Variants in TMEM272 observed in about 807,000 individuals in gnomAD.
TMEM272 encodes long intergenic non-protein coding RNA 282.
Under a neutral mutation model 3.7 loss-of-function variants are expected in TMEM272, and 8 were observed. The ratio of observed to expected loss-of-function variants is 2.17; its 90% CI spans 1.27 to 3.91. TMEM272 has a LOEUF of 3.91. TMEM272 is among the 30% of genes most tolerant of loss of function. TMEM272 has a pLI of 0.00. For missense variants in TMEM272, 166 were observed against 91.5 expected, an observed-to-expected ratio of 1.81 and a Z score of -3.32; for synonymous variants, 63 against 39.8, an observed-to-expected ratio of 1.58 and a Z score of -2.20.
chr13:51,865,498 ACTAATG>A, the TMEM272 span: 1 of 1,614,220 alleles, frequency 6.2e-7, no homozygotes, highest in Admixed American at 1.7e-5. Flanking sequence ...GCCAGAAGAA[ACTAATG>A]CACAAGCTGC....
chr13:51,837,161 T>G (rs977769753), intron 2 of TMEM272, among the ~76,000 whole-genome samples: 1 of 152,234 alleles, frequency 6.6e-6, no homozygotes, highest in Non-Finnish European at 1.5e-5. Context: ...GACCTTGACC[T>G]GCAGATTTAC....
the TMEM272 span, among the ~76,000 whole-genome samples, chr13:51,862,981 G>A: frequency 1.3e-5 from 2 of 152,234 alleles, no homozygotes; most frequent in East Asian, 1.9e-4. Context: ...AGTGTGACAA[G>A]TAATAGTGGA....
the TMEM272 span, among the ~76,000 whole-genome samples, chr13:51,873,915 T>C: frequency 6.6e-6 from 1 of 152,206 alleles, no homozygotes; most frequent in African/African-American, 2.4e-5. Context: ...ACACCCTTCT[T>C]GTGTTTGGGG....
At chr13:51,920,575 C>T in the TMEM272 span, among the ~76,000 whole-genome samples, 1 of 152,192 alleles carries the variant, frequency 6.6e-6, no homozygotes, top group Non-Finnish European at 1.5e-5. Context: ...CTCCATCCTA[C>T]CCATGTGCAC....
chr13:51,830,704 G>C (rs1344698192), intron 2 of TMEM272, among the ~76,000 whole-genome samples: 2 of 152,108 alleles, frequency 1.3e-5, no homozygotes, highest in Admixed American at 1.3e-4. Flanking sequence ...ATGAAGAATC[G>C]AGAAAACAAC....
chr13:51,857,065 T>G, the TMEM272 span, among the ~76,000 whole-genome samples: 1 of 152,206 alleles, frequency 6.6e-6, no homozygotes, highest in Non-Finnish European at 1.5e-5. Flanking sequence ...AGACAAATGT[T>G]GATTTTGTTA....
intron 2 of TMEM272, among the ~76,000 whole-genome samples, chr13:51,832,905 T>A (rs1238479669): frequency 6.6e-6 from 1 of 152,142 alleles, no homozygotes; most frequent in Non-Finnish European, 1.5e-5. Context: ...CACCACCTCT[T>A]AAGGGAGATG....
chr13:51,846,211 A>G (rs1956303894), upstream of TMEM272, among the ~76,000 whole-genome samples: 1 of 152,232 alleles, frequency 6.6e-6, no homozygotes, highest in Non-Finnish European at 1.5e-5. Context: ...GCAGAGGAGC[A>G]AGGGGAGGAG....
chr13:51,838,668 G>T (rs777844613), intron 1 of TMEM272, 115 bp from the exon 2 acceptor site: 3 of 679,958 alleles, frequency 4.4e-6, no homozygotes, highest in Non-Finnish European at 8.1e-6. Flanking sequence ...CAGTCAGCCC[G>T]GGTGGCCTGG....
chr13:51,824,194 C>T (rs184099906), intron 3 of TMEM272, among the ~76,000 whole-genome samples: 585 of 152,288 alleles, frequency 3.8e-3, no homozygotes, highest in Non-Finnish European at 6.5e-3. Context: ...TAATAAAAGC[C>T]ATCTTTCCCC....
At chr13:51,833,107 T>C (rs1956186820) in intron 2 of TMEM272, among the ~76,000 whole-genome samples, 1 of 152,076 alleles carries the variant, frequency 6.6e-6, no homozygotes, top group South Asian at 2.1e-4. Context: ...TGTGGGGAGA[T>C]GGCTTTTCTG....
At chr13:51,918,787 G>A in the TMEM272 span, among the ~76,000 whole-genome samples, 1 of 149,532 alleles carries the variant, frequency 6.7e-6, no homozygotes, top group African/African-American at 2.5e-5. Flanking sequence ...ACCATGCCTG[G>A]CTAATTTTTG....
chr13:51,880,018 A>G, the TMEM272 span, among the ~76,000 whole-genome samples: 2 of 152,242 alleles, frequency 1.3e-5, no homozygotes, highest in African/African-American at 4.8e-5. Flanking sequence ...TGTAACAACC[A>G]GAATTCATTG....
At chr13:51,826,851 G>A (rs572872378) in intron 2 of TMEM272, among the ~76,000 whole-genome samples, 18 of 152,260 alleles carry the variant, frequency 1.2e-4, no homozygotes, top group African/African-American at 3.4e-4. Flanking sequence ...TCACTTTGCC[G>A]ATGCCAAGGC....
At chr13:51,823,994 C>T (rs1040441934) in intron 3 of TMEM272, among the ~76,000 whole-genome samples, 1 of 152,234 alleles carries the variant, frequency 6.6e-6, no homozygotes, top group Non-Finnish European at 1.5e-5. Context: ...ACAGCCTTTT[C>T]ACACAAAGAC....
chr13:51,820,603 G>A (rs1189673121), intron 4 of TMEM272, among the ~76,000 whole-genome samples: 1 of 152,210 alleles, frequency 6.6e-6, no homozygotes, highest in African/African-American at 2.4e-5. Flanking sequence ...CAGACCCCAC[G>A]GACAGTAGCA....
At chr13:51,841,933 T>C (rs1235600025) in intron 1 of TMEM272, among the ~76,000 whole-genome samples, 1 of 152,206 alleles carries the variant, frequency 6.6e-6, no homozygotes, top group African/African-American at 2.4e-5. Flanking sequence ...AGCTTTGGCA[T>C]CCAGCCCGAA....
intron 4 of TMEM272, among the ~76,000 whole-genome samples, chr13:51,821,333 T>G (rs1956076767): frequency 6.6e-6 from 1 of 152,202 alleles, no homozygotes; most frequent in Admixed American, 6.5e-5. Context: ...AAGCTTCTCT[T>G]GGTAGGTGTA....
chr13:51,859,799 C>T, the TMEM272 span, among the ~76,000 whole-genome samples: 1 of 151,928 alleles, frequency 6.6e-6, no homozygotes, highest in South Asian at 2.1e-4. Flanking sequence ...CCAACTTCAA[C>T]AAAATTTTTT....
Sources: gnomAD v4.1 joint callset for allele counts (sites outside exome capture counted in the v4.1 genomes callset) on GRCh38, gnomAD v4.1.1 for gene constraint, MANE v1.5 for transcripts, NCBI Gene and HGNC (gene_info 2026-07-23, HGNC 2026-07-21) for gene names.